The following SS18 variants were observed in gnomAD, a reference collection of about 807,000 sequenced individuals.
SS18 encodes SS18 subunit of BAF chromatin remodeling complex, also known as protein SSXT.
In SS18, 28 loss-of-function variants were observed where a neutral mutation model predicts 72.5. That is an observed-to-expected ratio of 0.39 (90% CI 0.29 to 0.53). SS18 has a LOEUF of 0.53. Among genes scored for constraint, SS18 ranks in the 20% least tolerant of loss-of-function variants. The pLI, the probability that SS18 is intolerant of heterozygous loss-of-function variation, is 0.76. For synonymous variants in SS18, 172 were observed against 164.2 expected, an observed-to-expected ratio of 1.05 and a Z score of -0.37; for missense variants, 518 against 535.3, an observed-to-expected ratio of 0.97 and a Z score of 0.32.
chr18:26,018,218 G>GA lies in SS18; in HGVS notation c.*135dup, dbSNP rs766305264. 1.1e-5 allele frequency: 7 copies of GA among 663,242 alleles called. No individual in the cohort carries two copies. The highest frequency in any genetic ancestry group is 1.8e-5 in the Non-Finnish European group (7 of 392,488). 41.1% of individuals were successfully genotyped at this position (663,242 alleles called of 1,614,324 possible). On this transcript the variant is annotated 3_prime_UTR_variant, in exon 11 of 11. Coordinates refer to ENST00000415083, the MANE Select transcript of SS18 (RefSeq NM_001007559.3). ...TAAACCACAAAGGCTGCTTACTGAT[G>GA]AAACAGCCACTTATCCACAAGGTTT...
At chr18:26,080,404 G>C in intron 2 of SS18, 1 of 985,214 alleles carries the variant, frequency 1.0e-6, no homozygotes, top group Non-Finnish European at 1.2e-6. Context: ...CATACTAACA[G>C]ATGTGGTTTA....
At chr18:26,070,875 T>G (rs2054299207) in intron 3 of SS18, among the ~76,000 whole-genome samples, 1 of 152,162 alleles carries the variant, frequency 6.6e-6, no homozygotes, top group South Asian at 2.1e-4. Context: ...CTCAAGTATC[T>G]CAAACTATAG....
intron 10 of SS18, among the ~76,000 whole-genome samples, chr18:26,020,261 G>A (rs2053324839): frequency 6.6e-6 from 1 of 152,138 alleles, no homozygotes; most frequent in Non-Finnish European, 1.5e-5. Context: ...ATATATCTCT[G>A]GATCACAATT....
intron 10 of SS18, among the ~76,000 whole-genome samples, chr18:26,026,241 A>G (rs1459990009): frequency 6.6e-6 from 1 of 152,204 alleles, no homozygotes; most frequent in Non-Finnish European, 1.5e-5. Context: ...CAAGCGATGC[A>G]GATGCAGAAA....
intron 5 of SS18, among the ~76,000 whole-genome samples, chr18:26,043,060 T>C (rs2053757847): frequency 6.6e-6 from 1 of 152,150 alleles, no homozygotes; most frequent in Admixed American, 6.5e-5. Flanking sequence ...CTAATAGCTT[T>C]ACCTGTATTA....
chr18:26,025,034 G>A (rs1276758554), intron 10 of SS18, among the ~76,000 whole-genome samples: 1 of 152,090 alleles, frequency 6.6e-6, no homozygotes, highest in Non-Finnish European at 1.5e-5. Flanking sequence ...CTAGATTTCA[G>A]AGCAAAAAAT....
chr18:26,055,790 ACT>A (rs1312455397), intron 4 of SS18, among the ~76,000 whole-genome samples: 1 of 131,138 alleles, frequency 7.6e-6, no homozygotes. Context: ...ATGGAGTCTC[ACT>A]CTGTCGCCAG....
intron 3 of SS18, among the ~76,000 whole-genome samples, chr18:26,060,044 G>A (rs1483771824): frequency 6.6e-6 from 1 of 152,048 alleles, no homozygotes; most frequent in Non-Finnish European, 1.5e-5. Context: ...CTCCATTCCT[G>A]GTACATACTA....
intron 3 of SS18, among the ~76,000 whole-genome samples, chr18:26,072,796 CA>C (rs71169810): frequency 0.2 from 6,381 of 32,240 alleles, 188 homozygotes; most frequent in Admixed American, 0.33. Flanking sequence ...GACTCCGTCT[CA>C]AAAAAAAAAA....
intron 5 of SS18, among the ~76,000 whole-genome samples, chr18:26,044,541 C>A (rs1356288624): frequency 6.6e-6 from 1 of 151,784 alleles, no homozygotes; most frequent in African/African-American, 2.4e-5. Flanking sequence ...CCAGGTTGGT[C>A]TCAAACTCCT....
chr18:26,050,929 TAAAC>T (rs1385566171), intron 5 of SS18, among the ~76,000 whole-genome samples: 8 of 151,756 alleles, frequency 5.3e-5, no homozygotes, highest in Non-Finnish European at 1.0e-4. Flanking sequence ...AATAAATAAA[TAAAC>T]AAATAAAAAT....
At chr18:26,077,590 T>A (rs1405905985) in intron 3 of SS18, among the ~76,000 whole-genome samples, 1 of 152,178 alleles carries the variant, frequency 6.6e-6, no homozygotes, top group Non-Finnish European at 1.5e-5. Context: ...TAATCGCTGC[T>A]CGGCCTTTTG....
chr18:26,027,630 C>A (rs1185968759), intron 10 of SS18, among the ~76,000 whole-genome samples: 1 of 137,858 alleles, frequency 7.3e-6, no homozygotes, highest in Non-Finnish European at 1.5e-5. Flanking sequence ...TGAGATCGCG[C>A]CACTGCACAC....
chr18:26,090,187 G>A (rs969756777), intron 1 of SS18: 35 of 417,082 alleles, frequency 8.4e-5, no homozygotes, highest in African/African-American at 7.3e-4. Context: ...CCTTCCCTGA[G>A]CGGCCGCCGC....
chr18:26,060,827 G>GTGCCTGTA (rs1196426114), intron 3 of SS18, among the ~76,000 whole-genome samples: 7 of 135,336 alleles, frequency 5.2e-5, no homozygotes, highest in African/African-American at 1.9e-4. Context: ...GCAGTGGCAC[G>GTGCCTGTA]TGCCTGTAGT....
chr18:26,081,673 A>AT (rs751119018), intron 2 of SS18, among the ~76,000 whole-genome samples: 1 of 151,370 alleles, frequency 6.6e-6, no homozygotes. Context: ...TATTAAATAT[A>AT]TTTTCCTCAG....
At chr18:26,077,735 T>A (rs981657788) in intron 3 of SS18, among the ~76,000 whole-genome samples, 1 of 152,162 alleles carries the variant, frequency 6.6e-6, no homozygotes, top group African/African-American at 2.4e-5. Context: ...CTGACAGAGA[T>A]GCATATGGAA....
At chr18:26,054,662 C>T (rs1334148726) in intron 4 of SS18, among the ~76,000 whole-genome samples, 1 of 150,988 alleles carries the variant, frequency 6.6e-6, no homozygotes, top group Non-Finnish European at 1.5e-5. Flanking sequence ...TTAATGAGTG[C>T]TATCATTTGT....
chr18:26,022,648 G>A (rs1271974109), intron 10 of SS18, among the ~76,000 whole-genome samples: 1 of 152,098 alleles, frequency 6.6e-6, no homozygotes, highest in Non-Finnish European at 1.5e-5. Flanking sequence ...AAGGAGATAA[G>A]GCTTAGAGTC....
Sources: gnomAD v4.1 joint callset for allele counts (sites outside exome capture counted in the v4.1 genomes callset) on GRCh38, gnomAD v4.1.1 for gene constraint, MANE v1.5 for transcripts, NCBI Gene and HGNC (gene_info 2026-07-23, HGNC 2026-07-21) for gene names.